Variants in RAB38 observed in about 807,000 individuals in gnomAD.
RAB38 encodes the protein RAB38, member RAS oncogene family, also known as ras-related protein Rab-38.
A neutral mutation model predicts 18.4 loss-of-function variants in RAB38; 15 were observed. That is an observed-to-expected ratio of 0.82 (90% confidence interval 0.55 to 1.26). RAB38 has a LOEUF of 1.26. Ranked by LOEUF, RAB38 falls within the 50% of genes most tolerant of loss-of-function variation. The pLI is 0.00. For missense variants in RAB38, 294 were observed against 267.4 expected, an observed-to-expected ratio of 1.10 and a Z score of -0.69; for synonymous variants, 101 against 104.4, an observed-to-expected ratio of 0.97 and a Z score of 0.20.
At chr11:87,907,800 T>C in the RAB38 span, among the ~76,000 whole-genome samples, 1 of 151,968 alleles carries the variant, frequency 6.6e-6, no homozygotes, top group East Asian at 1.9e-4. Context: ...TATGTTTTCA[T>C]TTTTCACTTT....
the RAB38 span, among the ~76,000 whole-genome samples, chr11:87,858,701 A>G: frequency 3.3e-5 from 5 of 152,236 alleles, no homozygotes; most frequent in Admixed American, 6.6e-5. Context: ...AGGGATATAT[A>G]GTATTTATAA....
chr11:88,156,166 A>G (rs535289924), intron 1 of RAB38, among the ~76,000 whole-genome samples: 17 of 152,352 alleles, frequency 1.1e-4, no homozygotes, highest in African/African-American at 3.8e-4. Context: ...AGATACAAAA[A>G]AAATCCAGAA....
At chr11:88,063,972 G>A in the RAB38 span, among the ~76,000 whole-genome samples, 5 of 152,314 alleles carry the variant, frequency 3.3e-5, no homozygotes, top group African/African-American at 9.6e-5. Context: ...CATTTGCTAC[G>A]AAACAGTGTC....
the RAB38 span, among the ~76,000 whole-genome samples, chr11:88,045,391 CAGA>C: frequency 5.3e-5 from 8 of 152,216 alleles, no homozygotes; most frequent in Admixed American, 3.9e-4. Context: ...ATCTCCAGCA[CAGA>C]AGAACTTCCA....
chr11:88,035,338 T>G, the RAB38 span, among the ~76,000 whole-genome samples: 10 of 152,208 alleles, frequency 6.6e-5, no homozygotes, highest in African/African-American at 2.4e-4. Context: ...TGTGTTTTTA[T>G]TCTCTAACAA....
chr11:87,867,159 A>C, the RAB38 span, among the ~76,000 whole-genome samples: 1 of 151,736 alleles, frequency 6.6e-6, no homozygotes, highest in Non-Finnish European at 1.5e-5. Flanking sequence ...CCACTACCAC[A>C]TGCTTGGCAG....
chr11:87,954,302 A>G, the RAB38 span, among the ~76,000 whole-genome samples: 1 of 152,150 alleles, frequency 6.6e-6, no homozygotes, highest in Non-Finnish European at 1.5e-5. Flanking sequence ...TGGTGGGAAC[A>G]ACAGCCAGAA....
At chr11:88,047,517 C>T in the RAB38 span, among the ~76,000 whole-genome samples, 1 of 152,200 alleles carries the variant, frequency 6.6e-6, no homozygotes, top group African/African-American at 2.4e-5. Context: ...AAGTCAAGCC[C>T]TCACTCTTGC....
intron 1 of RAB38, among the ~76,000 whole-genome samples, chr11:88,162,449 T>C (rs1311745091): frequency 6.9e-6 from 1 of 144,778 alleles, no homozygotes; most frequent in African/African-American, 2.5e-5. Flanking sequence ...TTCTTAATTC[T>C]TTACTCCTCT....
At chr11:87,974,248 G>T in the RAB38 span, among the ~76,000 whole-genome samples, 2 of 151,314 alleles carry the variant, frequency 1.3e-5, no homozygotes. Flanking sequence ...TACAATGAGA[G>T]AACATATGGC....
At chr11:88,112,822 C>A (rs1474279085), downstream of RAB38, among the ~76,000 whole-genome samples, 1 of 151,752 alleles carries the variant, frequency 6.6e-6, no homozygotes, top group African/African-American at 2.4e-5. Flanking sequence ...GTATATACGA[C>A]TCCTGTGAGT....
At chr11:87,935,459 TAG>T in the RAB38 span, among the ~76,000 whole-genome samples, 1 of 152,114 alleles carries the variant, frequency 6.6e-6, no homozygotes, top group Non-Finnish European at 1.5e-5. Context: ...CAGATTTCTG[TAG>T]AGTTTGTTAT....
At chr11:87,954,584 A>T in the RAB38 span, among the ~76,000 whole-genome samples, 3 of 151,746 alleles carry the variant, frequency 2.0e-5, no homozygotes, top group South Asian at 2.1e-4. Flanking sequence ...TATCTGAACA[A>T]TTTTTCCTCA....
chr11:88,098,511 T>C, the RAB38 span: 4 of 152,014 alleles, frequency 2.6e-5, no homozygotes, highest in Non-Finnish European at 4.4e-5. Flanking sequence ...TCTTAGCTAG[T>C]TGCATGACCT....
the RAB38 span, among the ~76,000 whole-genome samples, chr11:87,857,194 C>G: frequency 4.6e-5 from 7 of 152,092 alleles, no homozygotes; most frequent in Non-Finnish European, 7.4e-5. Context: ...GACAGGAACT[C>G]ATCATTTTTT....
chr11:88,144,445 C>T (rs757717622), intron 2 of RAB38, among the ~76,000 whole-genome samples: 5 of 152,014 alleles, frequency 3.3e-5, no homozygotes, highest in Non-Finnish European at 2.9e-5. Context: ...GGAAATTCCC[C>T]GAAGATAGCA....
the RAB38 span, among the ~76,000 whole-genome samples, chr11:87,974,655 A>G: frequency 6.7e-6 from 1 of 148,990 alleles, no homozygotes; most frequent in South Asian, 2.2e-4. Context: ...CTAAAAATAT[A>G]AATGCAAAAA....
At chr11:87,933,382 A>G in the RAB38 span, among the ~76,000 whole-genome samples, 1 of 152,110 alleles carries the variant, frequency 6.6e-6, no homozygotes, top group East Asian at 1.9e-4. Flanking sequence ...CACTCACAGA[A>G]TACATGAGTA....
At chr11:87,828,401 C>T in the RAB38 span, among the ~76,000 whole-genome samples, 1 of 152,022 alleles carries the variant, frequency 6.6e-6, no homozygotes, top group Non-Finnish European at 1.5e-5. Context: ...ATTTTTAAAT[C>T]CCCATTCTAC....
Sources: allele counts gnomAD v4.1 joint callset (sites outside exome capture counted in the v4.1 genomes callset), GRCh38; gene constraint gnomAD v4.1.1; transcripts MANE v1.5; gene names NCBI Gene and HGNC (gene_info 2026-07-23, HGNC 2026-07-21).